Variants in CTNNA2 observed in about 807,000 individuals in gnomAD.
The protein encoded by CTNNA2 is catenin alpha-2.
Under a neutral mutation model 101.0 loss-of-function variants are expected in CTNNA2, and 42 were observed. The ratio of observed to expected loss-of-function variants is 0.42; its 90% CI spans 0.32 to 0.54. The LOEUF is 0.54. Among genes scored for constraint, CTNNA2 ranks in the 20% least tolerant of loss-of-function variants. The pLI, the probability that CTNNA2 is intolerant of heterozygous loss-of-function variation, is 0.14. For synonymous variants in CTNNA2, 450 were observed against 456.4 expected, an observed-to-expected ratio of 0.99 and a Z score of 0.18; for missense variants, 871 against 1,223.1, an observed-to-expected ratio of 0.71 and a Z score of 4.29.
intron 7 of CTNNA2, among the ~76,000 whole-genome samples, chr2:80,273,372 T>A (rs148946847): frequency 5.3e-5 from 8 of 152,296 alleles, no homozygotes; most frequent in Non-Finnish European, 1.0e-4. Context: ...GCTAACAAGC[T>A]GGTCCAGGAC....
At chr2:79,682,870 G>A (rs997476867) in intron 2 of CTNNA2, among the ~76,000 whole-genome samples, 11 of 152,244 alleles carry the variant, frequency 7.2e-5, no homozygotes, top group Non-Finnish European at 1.2e-4. Context: ...AAACCAAGTT[G>A]TGGGTTCACT....
At chr2:79,866,754 A>T (rs1192322172) in intron 4 of CTNNA2, among the ~76,000 whole-genome samples, 1 of 152,168 alleles carries the variant, frequency 6.6e-6, no homozygotes, top group Non-Finnish European at 1.5e-5. Flanking sequence ...TGAGCCCCTA[A>T]TTCTTGCCAT....
intron 4 of CTNNA2, among the ~76,000 whole-genome samples, chr2:79,436,200 G>A (rs1365938939): frequency 2.6e-5 from 4 of 152,190 alleles, no homozygotes; most frequent in African/African-American, 9.7e-5. Context: ...AACTGAAATG[G>A]TAGAACTTGG....
At chr2:79,211,439 AAG>A (rs1558574696) in intron 2 of CTNNA2, among the ~76,000 whole-genome samples, 2 of 152,176 alleles carry the variant, frequency 1.3e-5, no homozygotes, top group Non-Finnish European at 1.5e-5. Flanking sequence ...TGAGTCTGAA[AAG>A]AGAGTCAGTG....
intron 7 of CTNNA2, among the ~76,000 whole-genome samples, chr2:80,055,071 G>C (rs537851945): frequency 1.3e-5 from 2 of 152,072 alleles, no homozygotes; most frequent in Non-Finnish European, 2.9e-5. Context: ...CTGTGGTCCA[G>C]GCTGGAGTGC....
chr2:79,433,400 T>C (rs1678676958), intron 4 of CTNNA2, among the ~76,000 whole-genome samples: 1 of 152,110 alleles, frequency 6.6e-6, no homozygotes, highest in African/African-American at 2.4e-5. Flanking sequence ...TTAGTGCTGC[T>C]GGGGGTGCTT....
At chr2:79,331,395 G>A (rs890117579) in intron 3 of CTNNA2, among the ~76,000 whole-genome samples, 1 of 152,134 alleles carries the variant, frequency 6.6e-6, no homozygotes, top group African/African-American at 2.4e-5. Context: ...CTTCACTTCA[G>A]TCAGATCCTC....
chr2:80,284,210 A>G (rs1391149048), intron 7 of CTNNA2, among the ~76,000 whole-genome samples: 1 of 152,162 alleles, frequency 6.6e-6, no homozygotes, highest in Non-Finnish European at 1.5e-5. Flanking sequence ...ATTACTAGCT[A>G]ATTTTTTGGA....
intron 18 of CTNNA2, among the ~76,000 whole-genome samples, chr2:80,619,778 ACTC>A (rs1194398252): frequency 1.3e-5 from 2 of 151,630 alleles, no homozygotes; most frequent in Non-Finnish European, 2.9e-5. Flanking sequence ...AAAAGTTACA[ACTC>A]CTGCAAGTTT....
intron 7 of CTNNA2, among the ~76,000 whole-genome samples, chr2:80,316,155 A>G (rs796982840): frequency 4.8e-4 from 73 of 152,326 alleles, no homozygotes; most frequent in African/African-American, 1.6e-3. Flanking sequence ...GAACAAACAC[A>G]GGTTTATACA....
intron 2 of CTNNA2, among the ~76,000 whole-genome samples, chr2:79,701,019 A>C (rs1684965305): frequency 6.6e-6 from 1 of 152,286 alleles, no homozygotes; most frequent in Non-Finnish European, 1.5e-5. Context: ...GTTAGTCAAT[A>C]AATGTATTGA....
intron 7 of CTNNA2, among the ~76,000 whole-genome samples, chr2:80,014,998 C>T (rs1278211986): frequency 6.6e-6 from 1 of 152,110 alleles, no homozygotes; most frequent in Non-Finnish European, 1.5e-5. Flanking sequence ...TTAGAATATT[C>T]CACCATCCTC....
intron 1 of CTNNA2, among the ~76,000 whole-genome samples, chr2:79,596,428 G>C (rs1436162177): frequency 6.6e-6 from 1 of 152,046 alleles, no homozygotes; most frequent in Non-Finnish European, 1.5e-5. Context: ...AAGAAACCAT[G>C]AAGAAATATA....
chr2:79,740,969 C>T (rs762739391), intron 2 of CTNNA2, among the ~76,000 whole-genome samples: 1 of 151,886 alleles, frequency 6.6e-6, no homozygotes, highest in Non-Finnish European at 1.5e-5. Context: ...AGAATAAAAG[C>T]CTGTAACATG....
intron 7 of CTNNA2, among the ~76,000 whole-genome samples, chr2:79,939,475 T>C (rs576871359): frequency 5.3e-5 from 8 of 152,352 alleles, no homozygotes; most frequent in African/African-American, 1.2e-4. Context: ...GAGTTTTTTT[T>C]CCTTAATATT....
At chr2:80,229,962 AC>A (rs994610327) in intron 7 of CTNNA2, among the ~76,000 whole-genome samples, 8 of 152,214 alleles carry the variant, frequency 5.3e-5, no homozygotes, top group Admixed American at 4.6e-4. Flanking sequence ...AGATTACAAT[AC>A]CCTATTTTTA....
intron 3 of CTNNA2, among the ~76,000 whole-genome samples, chr2:79,746,247 G>A (rs770906650): frequency 6.6e-6 from 1 of 152,102 alleles, no homozygotes; most frequent in Non-Finnish European, 1.5e-5. Flanking sequence ...TCTGAATCAA[G>A]TTGTTTGGTT....
upstream of CTNNA2, among the ~76,000 whole-genome samples, chr2:79,510,439 A>T (rs2103820973): frequency 6.6e-6 from 1 of 152,356 alleles, no homozygotes; most frequent in South Asian, 2.1e-4. Context: ...TTATTTATAC[A>T]AGCATATTTA....
chr2:79,195,805 C>T (rs377313255), intron 1 of CTNNA2: 25 of 513,658 alleles, frequency 4.9e-5, no homozygotes, highest in Non-Finnish European at 8.9e-5. Context: ...CAAAGCAAGG[C>T]CCGGCATAGG....
Sources: gnomAD v4.1 joint callset for allele counts (sites outside exome capture counted in the v4.1 genomes callset) on GRCh38, gnomAD v4.1.1 for gene constraint, MANE v1.5 for transcripts, NCBI Gene and HGNC (gene_info 2026-07-23, HGNC 2026-07-21) for gene names.